Variants in ANO1 observed in about 807,000 individuals in gnomAD.
The protein encoded by ANO1 is anoctamin-1.
A neutral mutation model predicts 124.0 loss-of-function variants in ANO1; 59 were observed. That is an observed-to-expected ratio of 0.48 (90% CI 0.39 to 0.59). The LOEUF (loss-of-function observed/expected upper bound fraction) is 0.59. Among genes scored for constraint, ANO1 ranks in the 20% least tolerant of loss-of-function variants. ANO1 has a pLI of 0.00. For synonymous variants in ANO1, 529 were observed against 532.0 expected (o/e 0.99, Z 0.08); for missense variants, 1,059 against 1,328.0 (o/e 0.80, Z 3.15).
chr11:70,049,808 C>T (rs1205432442), intron 1 of ANO1, among the ~76,000 whole-genome samples: 1 of 152,178 alleles, frequency 6.6e-6, no homozygotes, highest in African/African-American at 2.4e-5. Context: ...GCAACCTCCA[C>T]CTCCCTGGTT....
chr11:70,087,253 G>A (rs77529517), intron 1 of ANO1, among the ~76,000 whole-genome samples: 17,914 of 152,200 alleles, frequency 0.12, 1,229 homozygotes, highest in Admixed American at 0.19. Context: ...TTCCCCTCAA[G>A]CATTTATCCT....
At chr11:70,074,001 CGT>C (rs1555009704), upstream of ANO1, among the ~76,000 whole-genome samples, 10 of 152,100 alleles carry the variant, frequency 6.6e-5, no homozygotes, top group African/African-American at 2.4e-4. Flanking sequence ...ACAGTGGTCC[CGT>C]CTCCCGCCCA....
intron 23 of ANO1, among the ~76,000 whole-genome samples, chr11:70,181,545 G>A (rs1395248756): frequency 6.6e-6 from 1 of 152,262 alleles, no homozygotes; most frequent in East Asian, 1.9e-4. Flanking sequence ...GTGGAGCTGG[G>A]AACAGAGGTA....
At chr11:70,034,039 G>A (rs373956683) in intron 1 of ANO1, among the ~76,000 whole-genome samples, 3 of 151,986 alleles carry the variant, frequency 2.0e-5, no homozygotes, top group Admixed American at 6.6e-5. Flanking sequence ...CCATCCATGC[G>A]CTCTTGCAGC....
intron 8 of ANO1, 31 bp from the exon 9 acceptor site, chr11:70,124,319 G>T (rs2046402763): frequency 4.3e-6 from 7 of 1,612,320 alleles, no homozygotes; most frequent in Non-Finnish European, 5.9e-6. Context: ...GTGCCACATT[G>T]TCACCAACCC....
chr11:70,144,072 G>A (rs1455092873), intron 11 of ANO1, among the ~76,000 whole-genome samples: 1 of 152,038 alleles, frequency 6.6e-6, no homozygotes, highest in Non-Finnish European at 1.5e-5. Flanking sequence ...AGATTTCAGG[G>A]GGGCTGGGCT....
the ANO1 span, among the ~76,000 whole-genome samples, chr11:69,974,886 C>CT: frequency 1.3e-5 from 1 of 78,554 alleles, no homozygotes; most frequent in African/African-American, 4.0e-5. Context: ...GCCTCCGTCT[C>CT]TAAAAAAAAA....
chr11:70,173,009 C>T (rs1475316317), intron 22 of ANO1, among the ~76,000 whole-genome samples: 1 of 152,156 alleles, frequency 6.6e-6, no homozygotes, highest in Non-Finnish European at 1.5e-5. Flanking sequence ...GCGGTTCTGG[C>T]TGGAAGCTCC....
At chr11:69,984,091 T>C (rs1310201117), upstream of ANO1, among the ~76,000 whole-genome samples, 2 of 152,242 alleles carry the variant, frequency 1.3e-5, no homozygotes, top group African/African-American at 4.8e-5. Context: ...AAATTTTCTC[T>C]GTGTATTTAC....
chr11:70,065,972 C>T (rs1591069747), intron 1 of ANO1, among the ~76,000 whole-genome samples: 3 of 152,354 alleles, frequency 2.0e-5, no homozygotes, highest in East Asian at 3.9e-4. Flanking sequence ...CAGTCATCAC[C>T]ATCTGATATT....
intron 1 of ANO1, among the ~76,000 whole-genome samples, chr11:70,060,907 G>A (rs782631728): frequency 1.3e-5 from 2 of 152,176 alleles, no homozygotes; most frequent in Non-Finnish European, 2.9e-5. Context: ...CTTTCTGAGA[G>A]AGCAAAAGGA....
At chr11:69,982,306 C>T (rs1855966562), upstream of ANO1, among the ~76,000 whole-genome samples, 1 of 152,222 alleles carries the variant, frequency 6.6e-6, no homozygotes, top group South Asian at 2.1e-4. Flanking sequence ...TGCTCCCATC[C>T]CTGTCTGGGT....
At chr11:70,131,868 G>T (rs962526964) in intron 10 of ANO1, 51 bp from the exon 11 acceptor site, 12 of 1,565,290 alleles carry the variant, frequency 7.7e-6, no homozygotes, top group Non-Finnish European at 1.7e-6. Flanking sequence ...CCCAGGAGGT[G>T]CTCCATCATG....
chr11:70,104,377 A>G lies in ANO1; in HGVS notation c.692+227A>G. Among the ~76,000 whole-genome samples, 3 of 152,288 alleles carry G rather than the reference A, an allele frequency of 2.0e-5. No homozygotes were observed. In the South Asian group the frequency reaches 6.2e-4, roughly 32 times the overall value. On this transcript the variant is annotated intron_variant, in intron 4 of 25. Coordinates refer to ENST00000355303, the MANE Select transcript of ANO1 (RefSeq NM_018043.7). Reference sequence around the variant, plus strand: ...TCTTGTTCTGCTTGGTGACGCAGGAAAAACTTCTTTGGCCTGAGTGAGGAC... The same window carrying G: ...TCTTGTTCTGCTTGGTGACGCAGGAGAAACTTCTTTGGCCTGAGTGAGGAC...
At chr11:69,988,779 A>T (rs1856096035) in intron 1 of ANO1, among the ~76,000 whole-genome samples, 1 of 152,094 alleles carries the variant, frequency 6.6e-6, no homozygotes. Context: ...GCATCCCTCC[A>T]CTGGGACATG....
At chr11:70,106,765 G>A (rs533363210) in intron 5 of ANO1, among the ~76,000 whole-genome samples, 4 of 152,346 alleles carry the variant, frequency 2.6e-5, no homozygotes, top group South Asian at 4.1e-4. Flanking sequence ...AGGCAAAGCC[G>A]TGGAGAACTG....
At chr11:69,980,806 C>A in the ANO1 span, among the ~76,000 whole-genome samples, 1 of 152,148 alleles carries the variant, frequency 6.6e-6, no homozygotes, top group Non-Finnish European at 1.5e-5. Flanking sequence ...GTAATCCCAG[C>A]ACTTTGGGAG....
At chr11:70,120,861 C>T (rs979841005) in intron 8 of ANO1, among the ~76,000 whole-genome samples, 5 of 152,242 alleles carry the variant, frequency 3.3e-5, no homozygotes, top group Non-Finnish European at 5.9e-5. Context: ...TGACTGGAGC[C>T]GCCTGGCTGG....
Position 70,161,326 on chromosome 11 carries a change from G to A in ANO1, c.1744G>A (p.Val582Met). 1 of 1,613,992 alleles carries A rather than the reference G, an allele frequency of 6.2e-7. No homozygotes were observed. The highest frequency in any genetic ancestry group is 8.5e-7 in the Non-Finnish European group (1 of 1,179,900). Reference sequence around the variant, plus strand: ...AGTGGTCATCATCCTCCTGGACGAGGTGTATGGCTGCATAGCCCGATGGCT... The same window carrying A: ...AGTGGTCATCATCCTCCTGGACGAGATGTATGGCTGCATAGCCCGATGGCT... ...NLVVIILLDE[V>M]YGCIARWLTK... The change falls in exon 17 of 26, where the codon GTG becomes ATG. Residue 582 changes from valine (V) to methionine (M), a missense_variant. Coordinates refer to ENST00000355303, the MANE Select transcript of ANO1 (RefSeq NM_018043.7).
Sources: gnomAD v4.1 joint callset for allele counts (sites outside exome capture counted in the v4.1 genomes callset) on GRCh38, gnomAD v4.1.1 for gene constraint, MANE v1.5 for transcripts, NCBI Gene and HGNC (gene_info 2026-07-23, HGNC 2026-07-21) for gene names.